Variants in CKAP2L observed in about 807,000 individuals in gnomAD.
The protein encoded by CKAP2L is cytoskeleton-associated protein 2-like.
CKAP2L carries 42 observed loss-of-function variants against 65.7 expected under a neutral mutation model. The observed-to-expected ratio is 0.64, with a 90% CI of 0.50 to 0.83. The LOEUF is 0.83. CKAP2L is among the 40% of genes least tolerant of loss of function. The pLI is 0.00. For synonymous variants in CKAP2L, 325 were observed against 313.5 expected (o/e 1.04, Z -0.39); for missense variants, 908 against 871.0 (o/e 1.04, Z -0.53).
chr2:112,747,430 T>G (rs545299161), intron 5 of CKAP2L, among the ~76,000 whole-genome samples: 25 of 152,190 alleles, frequency 1.6e-4, no homozygotes, highest in Admixed American at 1.5e-3. Context: ...TGAGTAGTGA[T>G]GAGAATTTCC....
In CKAP2L at chr2:112,756,852, GT is replaced by G. The variant is rs1558762391; in HGVS notation, c.518del (p.Asn173ThrfsTer8). On this transcript the variant is annotated frameshift_variant, in exon 4 of 9. Coordinates refer to ENST00000302450, the MANE Select transcript of CKAP2L (RefSeq NM_152515.5). LOFTEE classifies it high-confidence loss of function. ...CTTTTAGAAAGTTATCCAAAGATTC[GT>G]TTTCAACATGGATATTATTCATAAA... ...IDFMNNIHVENESLDNFLKET... is the reference protein window; with the variant it reads ...IDFMNNIHVEXESLDNFLKET... 3.1e-6 allele frequency: 5 copies of G among 1,603,610 alleles called. No individual in the cohort carries two copies. The Admixed American group carries it at 8.7e-5, about 28-fold the overall frequency.
At chr2:112,761,930 T>C (rs1248345284) in intron 2 of CKAP2L, among the ~76,000 whole-genome samples, 2 of 152,162 alleles carry the variant, frequency 1.3e-5, no homozygotes, top group African/African-American at 4.8e-5. Flanking sequence ...AATTTTCAAA[T>C]AAATACTTAG....
chr2:112,762,469 C>G, intron 2 of CKAP2L, 34 bp downstream of exon 2: 1 of 1,585,512 alleles, frequency 6.3e-7, no homozygotes, highest in African/African-American at 1.3e-5. Flanking sequence ...AAGAAGGCAA[C>G]AAAACTTGCG....
chr2:112,760,973 A>C (rs1357779518), intron 2 of CKAP2L, among the ~76,000 whole-genome samples: 5 of 148,628 alleles, frequency 3.4e-5, no homozygotes, highest in Admixed American at 2.7e-4. Flanking sequence ...AACTGCTCCT[A>C]CTCTTTTTTT....
In CKAP2L at chr2:112,736,381, T is replaced by C. The variant is rs182481903; in HGVS notation, c.*2442A>G. Among the ~76,000 whole-genome samples, 122 of 152,282 alleles carry C rather than the reference T, an allele frequency of 8.0e-4. No individual in the cohort carries two copies. The highest frequency in any genetic ancestry group is 2.7e-3 in the African/African-American group (114 of 41,546). On this transcript the variant is annotated 3_prime_UTR_variant, in exon 9 of 9. Coordinates refer to ENST00000302450, the MANE Select transcript of CKAP2L (RefSeq NM_152515.5). Reference sequence around the variant, plus strand: ...GACAATTTTATTTTATTAGGTATATTTAAGATTTACAACATGATGTTATGG... The same window carrying C: ...GACAATTTTATTTTATTAGGTATATCTAAGATTTACAACATGATGTTATGG...
chr2:112,755,932 C>A, intron 4 of CKAP2L, 45 bp downstream of exon 4: 1 of 1,509,720 alleles, frequency 6.6e-7, no homozygotes, highest in Non-Finnish European at 8.9e-7. Context: ...GGTCAATTTG[C>A]CTAATCATCT....
intron 1 of CKAP2L, chr2:112,763,872 G>T (rs1156264123): frequency 6.6e-6 from 1 of 152,258 alleles, no homozygotes; most frequent in East Asian, 1.9e-4. Context: ...AAGCCTATAA[G>T]GCGGACAGAA....
intron 6 of CKAP2L, 91 bp downstream of exon 6, chr2:112,746,329 G>T: frequency 1.8e-6 from 2 of 1,083,508 alleles, no homozygotes; most frequent in Non-Finnish European, 2.6e-6. Context: ...TATTGATGTT[G>T]CAAACTTCTA....
At chr2:112,750,571 C>G (rs1680342529) in intron 5 of CKAP2L, among the ~76,000 whole-genome samples, 2 of 152,152 alleles carry the variant, frequency 1.3e-5, no homozygotes, top group South Asian at 4.1e-4. Context: ...CCCAGTTTTC[C>G]CTGGAGTGTC....
chr2:112,759,762 G>A (rs181681569), intron 3 of CKAP2L, among the ~76,000 whole-genome samples: 73 of 152,214 alleles, frequency 4.8e-4, no homozygotes, highest in African/African-American at 1.8e-3. Flanking sequence ...ACATATATAT[G>A]TCTACATATG....
intron 8 of CKAP2L, among the ~76,000 whole-genome samples, chr2:112,739,681 G>T (rs1472318371): frequency 1.3e-5 from 2 of 152,160 alleles, no homozygotes; most frequent in Non-Finnish European, 2.9e-5. Flanking sequence ...TAAAGACAGG[G>T]TCTCACTCTG....
chr2:112,760,584 C>A, intron 3 of CKAP2L, 129 bp downstream of exon 3: 2 of 538,722 alleles, frequency 3.7e-6, no homozygotes, highest in South Asian at 2.8e-5. Flanking sequence ...CTTATTAAAC[C>A]AAACTGTTTT....
intron 3 of CKAP2L, among the ~76,000 whole-genome samples, chr2:112,758,331 A>G (rs1283595914): frequency 6.6e-6 from 1 of 152,242 alleles, no homozygotes. Flanking sequence ...GGAGAATTTC[A>G]CAGAGATTTA....
rs1453204556 is a variant in CKAP2L, at chr2:112,738,287, G to A, written c.*536C>T. The A allele has an allele frequency of 6.5e-6, 1 of 152,960 alleles. No individual in the cohort carries two copies. Among genetic ancestry groups the A allele is most frequent in the African/African-American group, 2.4e-5 (1 of 41,472 alleles). The allele number at this position is 152,960 out of a possible 1,614,324, so 9.5% of individuals were successfully genotyped here. On this transcript the variant is annotated 3_prime_UTR_variant, in exon 9 of 9. Transcript: ENST00000302450. ...ATTCTCTCTCATTTACAAGGATACT[G>A]TGATGAAAGTCAAAGATCACACATA...
chr2:112,762,660 G>T, intron 1 of CKAP2L, 91 bp from the exon 2 acceptor site: 1 of 1,087,814 alleles, frequency 9.2e-7, no homozygotes, highest in Non-Finnish European at 1.4e-6. Flanking sequence ...CTTTTCTCTA[G>T]TGATTTTGCC....
intron 3 of CKAP2L, among the ~76,000 whole-genome samples, 167 bp from the exon 4 acceptor site, chr2:112,757,381 T>A (rs1379270714): frequency 6.9e-6 from 1 of 144,620 alleles, no homozygotes; most frequent in African/African-American, 2.7e-5. Context: ...TAGGTAGTTT[T>A]TGTGTTTTTT....
At chr2:112,760,460 G>A (rs950026785) in intron 3 of CKAP2L, among the ~76,000 whole-genome samples, 12 of 152,186 alleles carry the variant, frequency 7.9e-5, no homozygotes, top group African/African-American at 2.7e-4. Context: ...CACACAGTAA[G>A]CATTCAATAA....
chr2:112,759,791 A>T (rs974705996), intron 3 of CKAP2L, among the ~76,000 whole-genome samples: 1 of 152,290 alleles, frequency 6.6e-6, no homozygotes, highest in East Asian at 1.9e-4. Context: ...TATGACTGAA[A>T]TATGACTGAA....
At chr2:112,764,379 C>T (rs1017057967) in intron 1 of CKAP2L, among the ~76,000 whole-genome samples, 183 bp downstream of exon 1, 1 of 152,218 alleles carries the variant, frequency 6.6e-6, no homozygotes. Flanking sequence ...CAGCCTCCCC[C>T]GCCCAGGACC....
Sources: gnomAD v4.1 joint callset for allele counts (sites outside exome capture counted in the v4.1 genomes callset) on GRCh38, gnomAD v4.1.1 for gene constraint, MANE v1.5 for transcripts, NCBI Gene and HGNC (gene_info 2026-07-23, HGNC 2026-07-21) for gene names.